Variants in RSPO1 observed in about 807,000 individuals in gnomAD.
RSPO1 encodes the protein R-spondin-1.
RSPO1 carries 18 observed loss-of-function variants against 26.0 expected under a neutral mutation model. The observed-to-expected ratio is 0.69, with a 90% CI of 0.48 to 1.03. The LOEUF (loss-of-function observed/expected upper bound fraction) is 1.03. Ranked by LOEUF, RSPO1 falls within the 50% of genes least tolerant of loss-of-function variation. The pLI is 0.00. For synonymous variants in RSPO1, 133 were observed against 137.4 expected, an observed-to-expected ratio of 0.97 and a Z score of 0.22; for missense variants, 309 against 352.3, an observed-to-expected ratio of 0.88 and a Z score of 0.98.
chr1:37,613,305 G>T lies in RSPO1; in HGVS notation c.626-384C>A, dbSNP rs113456505. Among the ~76,000 whole-genome samples the T allele has an allele frequency of 4.6e-5, 7 of 152,282 alleles. No homozygotes were observed. Among genetic ancestry groups the T allele is most frequent in the Non-Finnish European group, 7.4e-5 (5 of 68,018 alleles). On this transcript the variant is annotated intron_variant, in intron 6 of 6. Coordinates refer to ENST00000356545, the MANE Select transcript of RSPO1 (RefSeq NM_001242908.2). The surrounding 1 kb of genome is among the most constrained non-coding windows in gnomAD (Gnocchi z 4.5). ...CCTATCCGCCACCAGCCACCTCTGG[G>T]GCCAGGCAAGAGCAGCAGCCAACCC...
intron 3 of RSPO1, among the ~76,000 whole-genome samples, chr1:37,626,406 C>T (rs1158524135): frequency 6.6e-6 from 1 of 152,202 alleles, no homozygotes; most frequent in Non-Finnish European, 1.5e-5. Context: ...CCTAGCTGCA[C>T]CCCACTTCCT....
chr1:37,630,015 G>A lies in RSPO1; in HGVS notation c.-288-66C>T, dbSNP rs1570125785. 8.1e-6 allele frequency: 6 copies of A among 739,862 alleles called. No homozygotes were observed. In the East Asian group the frequency reaches 1.6e-4, roughly 20 times the overall value. The allele number at this position is 739,862 out of a possible 1,614,324, so 45.8% of individuals were successfully genotyped here. A position where few individuals can be genotyped will look rare whatever the true frequency, so the allele number is the denominator to read the frequency against. On this transcript the variant is annotated intron_variant, in intron 2 of 6. Transcript: ENST00000356545. ...ATGAACACTCCCACTTATGCCTCCT[G>A]CCCTACCCAGAAGACTGGGAGCTCA...
Position 37,629,724 on chromosome 1 carries a change from C to A in RSPO1, c.-63G>T. On this transcript the variant is annotated 5_prime_UTR_variant, in exon 3 of 7. Transcript: ENST00000356545. ...GGTCTCGGGGAGGGTGGATAGCACA[C>A]GGCTCTTGCTAACACCTCTGGGGCT... The A allele has an allele frequency of 1.3e-6, 2 of 1,596,560 alleles. No individual in the cohort carries two copies. The highest frequency in any genetic ancestry group is 1.3e-5 in the African/African-American group (1 of 74,400).
intron 3 of RSPO1, among the ~76,000 whole-genome samples, chr1:37,626,048 C>T (rs1644270994): frequency 6.6e-6 from 1 of 152,124 alleles, no homozygotes; most frequent in African/African-American, 2.4e-5. Context: ...GGGCTGTTTG[C>T]TTCCCGCCTC....
In RSPO1 at chr1:37,628,557, G is replaced by A. The variant is rs112056846; in HGVS notation, c.94+1011C>T. Among the ~76,000 whole-genome samples the A allele has an allele frequency of 6.6e-3, 1,001 of 152,344 alleles. 9 individuals carry two copies. The highest frequency in any genetic ancestry group is 0.023 in the African/African-American group (963 of 41,580). On this transcript the variant is annotated intron_variant, in intron 3 of 6. Coordinates refer to ENST00000356545, the MANE Select transcript of RSPO1 (RefSeq NM_001242908.2). ...GCCTGTGGGTGTGGCATCTTCTCATGCGGGATGTCAAAAGACAGATGAGGA... is the reference window on the plus strand; with the variant it reads ...GCCTGTGGGTGTGGCATCTTCTCATACGGGATGTCAAAAGACAGATGAGGA...
chr1:37,613,756 A>G lies in RSPO1; in HGVS notation c.573T>C (p.Ser191=). The G allele has an allele frequency of 6.2e-7, 1 of 1,613,990 alleles. No homozygotes were observed. The highest frequency in any genetic ancestry group is 8.5e-7 in the Non-Finnish European group (1 of 1,180,014). The part of the protein sequence containing the change: ...HAPVGDHAAC[S]DTKETRRCTV... ...TGCACCTCCGGGTCTCCTTGGTGTC[A>G]GAGCAGGCAGCATGGTCCCCCACAG... The change falls in exon 6 of 7, where the codon TCT becomes TCC. Residue 191 remains serine (S), a synonymous_variant. Transcript: ENST00000356545. The surrounding 1 kb of genome is among the most constrained non-coding windows in gnomAD (Gnocchi z 4.5).
chr1:37,619,979 C>T (rs1644176197), intron 3 of RSPO1, among the ~76,000 whole-genome samples: 1 of 152,058 alleles, frequency 6.6e-6, no homozygotes, highest in Non-Finnish European at 1.5e-5. Flanking sequence ...GAACTCTCGA[C>T]CTCAGGTGAT....
In RSPO1 at chr1:37,613,787, T is replaced by A; in HGVS notation, c.542A>T (p.His181Leu). ...GSEERTRRVL[H>L]APVGDHAACS... The stretch of plus-strand genomic sequence containing the variant: ...GGCAGCATGGTCCCCCACAGGGGCA[T>A]GTAGCACCCTGCGTGTCCGCTCCTC... Residue 181 changes from histidine (H) to leucine (L), a missense_variant, in exon 6 of 7, where the codon CAT becomes CTT. By Grantham distance (99) the His-to-Leu change is moderately conservative. Coordinates refer to ENST00000356545, the MANE Select transcript of RSPO1 (RefSeq NM_001242908.2). The surrounding 1 kb of genome is among the most constrained non-coding windows in gnomAD (Gnocchi z 4.5). The A allele has an allele frequency of 6.2e-7, 1 of 1,614,002 alleles. No individual in the cohort carries two copies. Among genetic ancestry groups the A allele is most frequent in the South Asian group, 1.1e-5 (1 of 91,084 alleles).
At chr1:37,631,381 C>T (rs558404956) in intron 2 of RSPO1, among the ~76,000 whole-genome samples, 4 of 152,278 alleles carry the variant, frequency 2.6e-5, no homozygotes, top group African/African-American at 7.2e-5. Context: ...AACCCCTGCA[C>T]GCCCCTCCAG....
chr1:37,627,245 T>C (rs1286042183), intron 3 of RSPO1, among the ~76,000 whole-genome samples: 2 of 152,042 alleles, frequency 1.3e-5, no homozygotes, highest in African/African-American at 4.8e-5. Context: ...ACGCTTGTCT[T>C]ATCGAGAGGC....
In RSPO1 at chr1:37,629,586, C is replaced by G. The variant is rs972952833; in HGVS notation, c.76G>C (p.Gly26Arg). 2 of 1,614,186 alleles carry G rather than the reference C, an allele frequency of 1.2e-6. No individual in the cohort carries two copies. The highest frequency in any genetic ancestry group is 1.7e-6 in the Non-Finnish European group (2 of 1,180,036). Residue 26 changes from glycine to arginine, a missense_variant, in exon 3 of 7, where the codon GGG (glycine) becomes CGG (arginine). Transcript: ENST00000356545. The stretch of plus-strand genomic sequence containing the variant: ...TACTCACTCCGCCTCTGCCTTTTCC[C>G]CTTGATCCCCCGGCTGCTGATGGTG... Reference protein sequence around the residue: ...HLTISSRGIKGKRQRRISAEG... With the variant: ...HLTISSRGIKRKRQRRISAEG...
chr1:37,614,369 C>G (rs1267038097), intron 4 of RSPO1, 36 bp from the exon 5 acceptor site: 2 of 1,612,254 alleles, frequency 1.2e-6, no homozygotes, highest in African/African-American at 2.7e-5. Flanking sequence ...TCTGGCCCAG[C>G]CTGGTGAGAA....
intron 3 of RSPO1, among the ~76,000 whole-genome samples, chr1:37,623,576 T>A (rs1238416203): frequency 6.6e-6 from 1 of 151,994 alleles, no homozygotes; most frequent in Non-Finnish European, 1.5e-5. Flanking sequence ...CTGAATATCC[T>A]GGATCGACCA....
At chr1:37,616,423 A>T in intron 4 of RSPO1, 61 bp downstream of exon 4, 1 of 1,521,802 alleles carries the variant, frequency 6.6e-7, no homozygotes, top group Non-Finnish European at 9.1e-7. Flanking sequence ...GGTTCAAAGC[A>T]CTCTCCCCCA....
intron 3 of RSPO1, among the ~76,000 whole-genome samples, chr1:37,626,909 C>T (rs1644285400): frequency 6.6e-6 from 1 of 151,976 alleles, no homozygotes; most frequent in Non-Finnish European, 1.5e-5. Context: ...AGCAAGAAGA[C>T]AAGGGGCTTA....
At chr1:37,632,482 A>G (rs1269414229) in intron 1 of RSPO1, 129 bp from the exon 2 acceptor site, 2 of 119,956 alleles carry the variant, frequency 1.7e-5, no homozygotes, top group Non-Finnish European at 3.5e-5. Context: ...AACCCTGTAA[A>G]GGGGCTAAGA....
At chr1:37,614,545 C>T (rs1644081767) in intron 4 of RSPO1, among the ~76,000 whole-genome samples, 1 of 152,162 alleles carries the variant, frequency 6.6e-6, no homozygotes, top group Non-Finnish European at 1.5e-5. Context: ...AGCGGTTGCT[C>T]CTGAAGGCTG....
At chr1:37,625,269 G>A (rs909817651) in intron 3 of RSPO1, among the ~76,000 whole-genome samples, 1 of 152,232 alleles carries the variant, frequency 6.6e-6, no homozygotes, top group East Asian at 1.9e-4. Context: ...TAAGGTTGAG[G>A]ATATGGTGAA....
rs370694550 is a variant in RSPO1 at position 37,614,310 on chromosome 1, C to A, written c.310G>T (p.Ala104Ser). Reference protein sequence around the residue: ...CIKCKIEHCEACFSHNFCTKC... With the variant: ...CIKCKIEHCESCFSHNFCTKC... Reference sequence around the variant, plus strand: ...GTGCAGAAGTTATGGCTGAAGCAGGCCTCACAGTGCTCGATCTTGCATTCT... The same window carrying A: ...GTGCAGAAGTTATGGCTGAAGCAGGACTCACAGTGCTCGATCTTGCATTCT... Residue 104 changes from alanine (A) to serine (S), a missense_variant, in exon 5 of 7, where the codon GCC becomes TCC. Coordinates refer to ENST00000356545, the MANE Select transcript of RSPO1 (RefSeq NM_001242908.2). 2 of 1,613,784 alleles carry A rather than the reference C, an allele frequency of 1.2e-6. No individual in the cohort carries two copies. Among genetic ancestry groups the A allele is most frequent in the Non-Finnish European group, 1.7e-6 (2 of 1,180,038 alleles).
Sources: gnomAD v4.1 joint callset for allele counts (sites outside exome capture counted in the v4.1 genomes callset) on GRCh38, gnomAD v4.1.1 for gene constraint, Gnocchi (gnomAD v3.1) non-coding constraint, MANE v1.5 for transcripts, NCBI Gene and HGNC (gene_info 2026-07-23, HGNC 2026-07-21) for gene names.